Variants in DYSF observed in about 807,000 individuals in gnomAD.
DYSF encodes the protein dysferlin, also known as dystrophy-associated fer-1-like 1.
Under a neutral mutation model 274.9 loss-of-function variants are expected in DYSF, and 212 were observed. The observed-to-expected ratio is 0.77, with a 90% CI of 0.69 to 0.86. The LOEUF is 0.86. Ranked by LOEUF, DYSF falls within the 40% of genes least tolerant of loss-of-function variation. DYSF has a pLI of 0.00. For missense variants in DYSF, 2,666 were observed against 2,783.2 expected (o/e 0.96, Z 0.95); for synonymous variants, 1,091 against 1,078.7 (o/e 1.01, Z -0.22).
At chr2:71,606,434 G>T (rs753867183) in intron 36 of DYSF, among the ~76,000 whole-genome samples, 2 of 152,078 alleles carry the variant, frequency 1.3e-5, no homozygotes, top group Non-Finnish European at 2.9e-5. Context: ...AGGATGTTCT[G>T]GTGGCACTTT....
chr2:71,635,374 C>G (rs1406583106), intron 41 of DYSF, among the ~76,000 whole-genome samples: 1 of 152,230 alleles, frequency 6.6e-6, no homozygotes, highest in Non-Finnish European at 1.5e-5. Flanking sequence ...TTTAGGCATT[C>G]CTGTATCCAT....
chr2:71,557,747 T>A (rs1252034337), intron 22 of DYSF, among the ~76,000 whole-genome samples: 2 of 152,130 alleles, frequency 1.3e-5, no homozygotes, highest in East Asian at 1.9e-4. Flanking sequence ...CCATGAAATC[T>A]TATGAACTAG....
chr2:71,636,080 A>C (rs2094398007), intron 41 of DYSF, among the ~76,000 whole-genome samples: 1 of 152,132 alleles, frequency 6.6e-6, no homozygotes, highest in Admixed American at 6.5e-5. Context: ...AGTGTTCAGG[A>C]CCAGGAAGGC....
Position 71,566,827 on chromosome 2 carries a change from G to C in DYSF, c.2566-1124G>C, listed in dbSNP as rs953484633. 5.3e-5 allele frequency among the ~76,000 whole-genome samples: 8 copies of C among 152,336 alleles called. No individual in the cohort carries two copies. In the East Asian group the frequency reaches 1.5e-3, roughly 29 times the overall value. On this transcript the variant is annotated intron_variant, in intron 24 of 55. Transcript: ENST00000410020. ...TTCATTGAAGATGAACCAAAAGAAGGGGGGCTGTGTCCGCAGGAGGGAAGC... is the reference window on the plus strand; with the variant it reads ...TTCATTGAAGATGAACCAAAAGAAGCGGGGCTGTGTCCGCAGGAGGGAAGC...
intron 3 of DYSF, among the ~76,000 whole-genome samples, chr2:71,482,401 G>C (rs1436623466): frequency 6.6e-6 from 1 of 152,352 alleles, no homozygotes; most frequent in East Asian, 1.9e-4. Flanking sequence ...AGCTTTCCAG[G>C]AATGCTTCAT....
intron 30 of DYSF, among the ~76,000 whole-genome samples, chr2:71,578,477 T>C (rs1574127568): frequency 6.6e-6 from 1 of 152,184 alleles, no homozygotes; most frequent in African/African-American, 2.4e-5. Context: ...GGGGAACTCC[T>C]GTCTGATCAA....
intron 3 of DYSF, 23 bp from the exon 4 acceptor site, chr2:71,503,191 A>C (rs368417753): frequency 6.2e-7 from 1 of 1,611,684 alleles, no homozygotes; most frequent in Admixed American, 1.7e-5. Flanking sequence ...AGTTTTCTAC[A>C]TTTGACTTCT....
intron 32 of DYSF, among the ~76,000 whole-genome samples, chr2:71,592,641 C>A (rs905427183): frequency 1.4e-4 from 22 of 152,246 alleles, no homozygotes; most frequent in African/African-American, 5.1e-4. Context: ...GGGCCTGGCA[C>A]AGTGTCTGTC....
At chr2:71,554,042 G>C in intron 21 of DYSF, 111 bp downstream of exon 21, 1 of 1,525,218 alleles carries the variant, frequency 6.6e-7, no homozygotes, top group Non-Finnish European at 9.0e-7. Context: ...ACACACGGCT[G>C]TGCCTACTGA....
intron 41 of DYSF, 123 bp from the exon 42 acceptor site, chr2:71,643,842 T>G (rs1031670345): frequency 2.6e-6 from 2 of 760,366 alleles, no homozygotes; most frequent in Admixed American, 2.0e-5. Context: ...CTCCCCCACA[T>G]CACCCTTAGG....
At chr2:71,551,438 C>T (rs981821843) in intron 18 of DYSF, among the ~76,000 whole-genome samples, 169 bp from the exon 19 acceptor site, 1 of 152,190 alleles carries the variant, frequency 6.6e-6, no homozygotes, top group Non-Finnish European at 1.5e-5. Context: ...CTTGTCATAT[C>T]CCCCGAACTC....
At chr2:71,522,837 C>T (rs371351669) in intron 12 of DYSF, among the ~76,000 whole-genome samples, 1 of 152,182 alleles carries the variant, frequency 6.6e-6, no homozygotes, top group South Asian at 2.1e-4. Flanking sequence ...GTCCCCCAAA[C>T]CAGAGGCCAG....
intron 4 of DYSF, among the ~76,000 whole-genome samples, chr2:71,509,524 G>A (rs1242932606): frequency 1.3e-5 from 2 of 151,946 alleles, no homozygotes; most frequent in African/African-American, 2.4e-5. Flanking sequence ...TTTGATGATT[G>A]CTAAATAGTG....
At chr2:71,645,674 C>T (rs2094556734) in intron 42 of DYSF, among the ~76,000 whole-genome samples, 1 of 151,850 alleles carries the variant, frequency 6.6e-6, no homozygotes, top group Non-Finnish European at 1.5e-5. Context: ...ATGAAGCCCT[C>T]GCCAGGGACA....
intron 1 of DYSF, among the ~76,000 whole-genome samples, chr2:71,456,507 C>T (rs1043064522): frequency 6.6e-6 from 1 of 152,142 alleles, no homozygotes; most frequent in Non-Finnish European, 1.5e-5. Flanking sequence ...AGCAAAACAC[C>T]AGTCTGGGAA....
intron 55 of DYSF, 44 bp from the exon 56 acceptor site, chr2:71,686,410 C>G (rs754787993): frequency 2.0e-5 from 32 of 1,612,146 alleles, no homozygotes; most frequent in Non-Finnish European, 8.5e-7. Context: ...CTGTGCCTGC[C>G]CCAGTGGGAT....
At chr2:71,501,044 G>C (rs1003744147) in intron 3 of DYSF, among the ~76,000 whole-genome samples, 2 of 152,144 alleles carry the variant, frequency 1.3e-5, no homozygotes, top group African/African-American at 2.4e-5. Flanking sequence ...ACTGACGGGT[G>C]CCTTCTGGCA....
chr2:71,537,648 A>C (rs1447028056), intron 16 of DYSF, among the ~76,000 whole-genome samples: 1 of 152,196 alleles, frequency 6.6e-6, no homozygotes, highest in Non-Finnish European at 1.5e-5. Context: ...AAAACTTTAA[A>C]AATCAAAGCT....
chr2:71,466,930 C>G lies in DYSF; in HGVS notation c.88C>G (p.Arg30Gly). The G allele has an allele frequency of 1.3e-6, 2 of 1,549,972 alleles. No individual in the cohort carries two copies. Among genetic ancestry groups the G allele is most frequent in the Non-Finnish European group, 8.7e-7 (1 of 1,145,862 alleles). ...CGACCCTGTCGCAAGCCTGACTTTC[C>G]GAGGTGAGAGCCCCGTGGCTGCCGC... is the stretch of plus-strand genomic sequence containing the variant. ...RSDPVASLTF[R>G]GVKKRTKVIK... is the part of the protein sequence containing the mutation. The change falls in exon 1 of 56, where the codon CGA (arginine) becomes GGA (glycine). Residue 30 changes from arginine (R) to glycine (G), a missense_variant. Arg to Gly is a moderately radical substitution (Grantham distance 125). This residue lies in a region of DYSF where 794 missense variants were observed against 777.1 expected (regional missense o/e 1.02). Transcript: ENST00000410020.
Sources: allele counts gnomAD v4.1 joint callset (sites outside exome capture counted in the v4.1 genomes callset), GRCh38; gene constraint gnomAD v4.1.1; regional missense constraint gnomAD v4.1.1; transcripts MANE v1.5; gene names NCBI Gene and HGNC (gene_info 2026-07-23, HGNC 2026-07-21).